XYLT1: variants seen among roughly 807,000 people sequenced by gnomAD.
XYLT1 encodes beta-D-xylosyltransferase 1.
XYLT1 carries 36 observed loss-of-function variants against 91.3 expected under a neutral mutation model. The observed-to-expected ratio is 0.39, with a 90% CI of 0.30 to 0.52. The LOEUF is 0.52. Ranked by LOEUF, XYLT1 falls within the 20% of genes least tolerant of loss-of-function variation. The pLI, the probability that XYLT1 is intolerant of heterozygous loss-of-function variation, is 0.68. For missense variants in XYLT1, 1,242 were observed against 1,284.5 expected (o/e 0.97, Z 0.51); for synonymous variants, 588 against 532.0 (o/e 1.11, Z -1.45).
chr16:17,379,789 A>ACACACG (rs1359335003), intron 1 of XYLT1, among the ~76,000 whole-genome samples: 1 of 151,400 alleles, frequency 6.6e-6, no homozygotes, highest in Non-Finnish European at 1.5e-5. Flanking sequence ...ACACACACAC[A>ACACACG]CACACCCCTT....
chr16:17,265,553 C>A (rs940410287), intron 2 of XYLT1, among the ~76,000 whole-genome samples: 1 of 152,162 alleles, frequency 6.6e-6, no homozygotes. Flanking sequence ...CTGCTGTTGC[C>A]TTACCTCTAA....
chr16:17,132,257 C>T (rs13380472), intron 9 of XYLT1, among the ~76,000 whole-genome samples: 28,479 of 152,000 alleles, frequency 0.19, 3,390 homozygotes, highest in Non-Finnish European at 0.27. Context: ...GCCAAGATAC[C>T]GCACATACTG....
At chr16:17,140,658 C>CAAAAAAAAAAAAAAAAAAAAAAAA (rs71137974) in intron 7 of XYLT1, among the ~76,000 whole-genome samples, 1 of 68,004 alleles carries the variant, frequency 1.5e-5, no homozygotes, top group African/African-American at 5.9e-5. Context: ...AAGACTGTCT[C>CAAAAAAAAAAAAAAAAAAAAAAAA]AAAAAAAAAA....
chr16:17,426,754 A>G (rs2036323643), intron 1 of XYLT1, among the ~76,000 whole-genome samples: 1 of 152,214 alleles, frequency 6.6e-6, no homozygotes, highest in African/African-American at 2.4e-5. Flanking sequence ...CCTATGGCCC[A>G]TAAGCCTACA....
chr16:17,337,229 C>G (rs1423643916), intron 2 of XYLT1, among the ~76,000 whole-genome samples: 2 of 152,064 alleles, frequency 1.3e-5, no homozygotes, highest in Admixed American at 6.6e-5. Flanking sequence ...ACTCTGTCAC[C>G]CAGGCTAAAG....
chr16:17,382,021 T>C (rs577354287), intron 1 of XYLT1, among the ~76,000 whole-genome samples: 12 of 151,818 alleles, frequency 7.9e-5, no homozygotes, highest in Non-Finnish European at 1.2e-4. Flanking sequence ...CCTTCCAGAA[T>C]TGGGATGAGG....
At chr16:17,118,553 C>T (rs2029937082) in intron 10 of XYLT1, among the ~76,000 whole-genome samples, 1 of 152,120 alleles carries the variant, frequency 6.6e-6, no homozygotes, top group South Asian at 2.1e-4. Context: ...TTTCCCAAGG[C>T]ACCTAGATCT....
At chr16:17,134,333 G>C in intron 9 of XYLT1, 140 bp downstream of exon 9, 1 of 1,210,592 alleles carries the variant, frequency 8.3e-7, no homozygotes, top group Admixed American at 2.5e-5. Context: ...CGTTAGATGA[G>C]TTTTGGGCAA....
intron 2 of XYLT1, among the ~76,000 whole-genome samples, chr16:17,348,107 G>A (rs927930787): frequency 2.6e-4 from 40 of 152,094 alleles, no homozygotes; most frequent in African/African-American, 8.9e-4. Flanking sequence ...GTTAGCCTCT[G>A]GAGGCCCAGA....
intron 5 of XYLT1, among the ~76,000 whole-genome samples, chr16:17,187,830 T>C (rs2032220197): frequency 6.6e-6 from 1 of 152,084 alleles, no homozygotes; most frequent in African/African-American, 2.4e-5. Context: ...GTCTCCACCA[T>C]ATTCTTTCTC....
At chr16:17,213,982 A>G (rs1369520408) in intron 3 of XYLT1, among the ~76,000 whole-genome samples, 2 of 152,128 alleles carry the variant, frequency 1.3e-5, no homozygotes, top group Non-Finnish European at 2.9e-5. Flanking sequence ...TCCCTTCTCA[A>G]GCAGTATTTC....
intron 2 of XYLT1, among the ~76,000 whole-genome samples, chr16:17,298,866 C>G (rs1312610683): frequency 6.6e-6 from 1 of 152,132 alleles, no homozygotes; most frequent in Non-Finnish European, 1.5e-5. Context: ...CTATGAGAGC[C>G]ACCACCCCCT....
chr16:17,162,956 A>C (rs2141546449), intron 5 of XYLT1, among the ~76,000 whole-genome samples: 1 of 152,350 alleles, frequency 6.6e-6, no homozygotes, highest in Admixed American at 6.5e-5. Context: ...GAGAGTATTA[A>C]ATAAAAACAA....
At chr16:17,297,613 C>T (rs2034330901) in intron 2 of XYLT1, among the ~76,000 whole-genome samples, 1 of 151,912 alleles carries the variant, frequency 6.6e-6, no homozygotes, top group Non-Finnish European at 1.5e-5. Context: ...GTCCTCACTA[C>T]TCAGGAGGCT....
chr16:17,226,716 G>A (rs1290802711), intron 3 of XYLT1, among the ~76,000 whole-genome samples: 1 of 152,052 alleles, frequency 6.6e-6, no homozygotes, highest in African/African-American at 2.4e-5. Context: ...CCAGGAGGCA[G>A]AGATTGCAGT....
chr16:17,156,004 C>A (rs1272833795), intron 6 of XYLT1, among the ~76,000 whole-genome samples: 3 of 152,226 alleles, frequency 2.0e-5, no homozygotes, highest in African/African-American at 7.2e-5. Context: ...TCATCACCAT[C>A]ACCATCATCA....
chr16:17,127,832 A>G lies in XYLT1; in HGVS notation c.2057T>C (p.Val686Ala), dbSNP rs1197878851. Reference protein sequence around the residue: ...RYYPMGHPASVHLYFLADRFQ... With the variant: ...RYYPMGHPASAHLYFLADRFQ... ...GCGGTCAGCAAGGAAGTAGAGGTGC[A>G]CAGATGCTGGGTGGCCCATTGGGTA... Residue 686 changes from valine (V) to alanine (A), a missense_variant, in exon 10 of 12, where the codon GTG becomes GCG. By Grantham distance (64) the Val-to-Ala change is moderately conservative. Around this residue, in one of 3 missense-constraint regions of XYLT1, gnomAD observed 511 missense variants for 497.0 expected, o/e 1.03. Transcript: ENST00000261381. 6.2e-7 allele frequency: 1 copy of G among 1,613,958 alleles called. No individual in the cohort carries two copies. Among genetic ancestry groups the G allele is most frequent in the Non-Finnish European group, 8.5e-7 (1 of 1,180,006 alleles).
intron 3 of XYLT1, among the ~76,000 whole-genome samples, chr16:17,211,799 G>A (rs2032762185): frequency 6.6e-6 from 1 of 152,132 alleles, no homozygotes; most frequent in Non-Finnish European, 1.5e-5. Flanking sequence ...TTCTCAGAAT[G>A]GCTTCAAAAC....
At chr16:17,195,197 T>C (rs531935417) in intron 5 of XYLT1, among the ~76,000 whole-genome samples, 4 of 152,308 alleles carry the variant, frequency 2.6e-5, no homozygotes, top group East Asian at 3.9e-4. Context: ...CCAGAGATGA[T>C]GCTACGCATC....
Sources: gnomAD v4.1 joint callset for allele counts (sites outside exome capture counted in the v4.1 genomes callset) on GRCh38, gnomAD v4.1.1 for gene constraint, gnomAD v4.1.1 regional missense constraint, MANE v1.5 for transcripts, NCBI Gene and HGNC (gene_info 2026-07-23, HGNC 2026-07-21) for gene names.